Variants in ARHGAP32 observed in about 807,000 individuals in gnomAD.
ARHGAP32 encodes Rho GTPase activating protein 32.
Under a neutral mutation model 186.5 loss-of-function variants are expected in ARHGAP32, and 51 were observed. The ratio of observed to expected loss-of-function variants is 0.27; its 90% CI spans 0.22 to 0.35. The LOEUF is 0.35. Ranked by LOEUF, ARHGAP32 falls within the 10% of genes least tolerant of loss-of-function variation. The probability of loss-of-function intolerance (pLI) is 1.00; values close to 1 mark genes in which losing one functional copy is unlikely to be tolerated. For synonymous variants in ARHGAP32, 950 were observed against 964.3 expected (o/e 0.99, Z 0.27); for missense variants, 2,186 against 2,623.5 (o/e 0.83, Z 3.64).
intron 2 of ARHGAP32, among the ~76,000 whole-genome samples, chr11:129,158,396 C>CAAA (rs145817087): frequency 1.5e-5 from 1 of 66,208 alleles, no homozygotes; most frequent in Non-Finnish European, 3.2e-5. Context: ...AAATGGAAGG[C>CAAA]AAAAAAAAAA....
intron 2 of ARHGAP32, among the ~76,000 whole-genome samples, chr11:129,134,708 G>A (rs1437702454): frequency 1.3e-5 from 2 of 152,178 alleles, no homozygotes; most frequent in Non-Finnish European, 2.9e-5. Context: ...AACGCCCAAG[G>A]TGAGGGTAGT....
chr11:129,173,948 C>G (rs1025027506), intron 1 of ARHGAP32, among the ~76,000 whole-genome samples: 1 of 152,118 alleles, frequency 6.6e-6, no homozygotes, highest in Non-Finnish European at 1.5e-5. Flanking sequence ...CCAAGATGGC[C>G]AAATAGGAAC....
At chr11:129,194,088 C>A (rs1297664177), upstream of ARHGAP32, among the ~76,000 whole-genome samples, 1 of 151,858 alleles carries the variant, frequency 6.6e-6, no homozygotes, top group Non-Finnish European at 1.5e-5. Context: ...ATAGGCAAAG[C>A]TTTTAAAAGG....
At chr11:128,979,597 T>C (rs187498373) in intron 18 of ARHGAP32, among the ~76,000 whole-genome samples, 1 of 152,172 alleles carries the variant, frequency 6.6e-6, no homozygotes, top group Non-Finnish European at 1.5e-5. Flanking sequence ...AACTAGAATA[T>C]AAAATCAAGA....
intron 20 of ARHGAP32, among the ~76,000 whole-genome samples, chr11:128,976,161 C>T (rs1945536585): frequency 6.6e-6 from 1 of 151,738 alleles, no homozygotes; most frequent in Admixed American, 6.6e-5. Context: ...CTGCTTAACA[C>T]TAGTATCCAC....
chr11:129,048,302 A>T (rs1939895474), intron 10 of ARHGAP32, among the ~76,000 whole-genome samples: 1 of 152,190 alleles, frequency 6.6e-6, no homozygotes, highest in Non-Finnish European at 1.5e-5. Flanking sequence ...AGTGAGTAAG[A>T]TAGCAAGGGA....
chr11:129,057,619 T>C (rs1391731054), intron 10 of ARHGAP32, among the ~76,000 whole-genome samples: 1 of 148,840 alleles, frequency 6.7e-6, no homozygotes, highest in Non-Finnish European at 1.5e-5. Context: ...CATACTCAAA[T>C]CCCACGTCAT....
intron 6 of ARHGAP32, among the ~76,000 whole-genome samples, chr11:129,075,068 C>T (rs1453317085): frequency 1.3e-5 from 2 of 151,780 alleles, no homozygotes; most frequent in Non-Finnish European, 2.9e-5. Context: ...AAAAAACACA[C>T]AAAAAGGAGA....
chr11:128,995,497 A>G (rs918904533), intron 12 of ARHGAP32, among the ~76,000 whole-genome samples: 1 of 152,240 alleles, frequency 6.6e-6, no homozygotes, highest in African/African-American at 2.4e-5. Flanking sequence ...AGCATAAGCC[A>G]TCTCACACAG....
At chr11:129,102,334 C>G (rs571380710) in intron 5 of ARHGAP32, among the ~76,000 whole-genome samples, 1 of 152,268 alleles carries the variant, frequency 6.6e-6, no homozygotes, top group East Asian at 1.9e-4. Context: ...ATGACAGGAT[C>G]AAATCCACAC....
chr11:128,983,506 A>C (rs1945772883), intron 15 of ARHGAP32, among the ~76,000 whole-genome samples: 2 of 151,406 alleles, frequency 1.3e-5, no homozygotes, highest in African/African-American at 2.4e-5. Context: ...GGGTGGGGGG[A>C]AGGGGGAGGG....
intron 2 of ARHGAP32, among the ~76,000 whole-genome samples, chr11:129,128,462 A>G (rs941785066): frequency 6.6e-6 from 1 of 152,250 alleles, no homozygotes; most frequent in Non-Finnish European, 1.5e-5. Context: ...AAAAGCACAT[A>G]AAGATTTTAT....
intron 2 of ARHGAP32, among the ~76,000 whole-genome samples, chr11:129,161,150 A>T (rs1252657237): frequency 6.6e-6 from 1 of 152,198 alleles, no homozygotes; most frequent in Non-Finnish European, 1.5e-5. Context: ...TACAAATATT[A>T]ACTCAAAATG....
At chr11:129,012,325 T>C (rs1938122424) in intron 11 of ARHGAP32, among the ~76,000 whole-genome samples, 1 of 152,208 alleles carries the variant, frequency 6.6e-6, no homozygotes, top group African/African-American at 2.4e-5. Flanking sequence ...AAGAAAAACC[T>C]GTAATGTCAA....
intron 15 of ARHGAP32, among the ~76,000 whole-genome samples, chr11:128,985,009 T>A (rs766823447): frequency 6.6e-6 from 1 of 152,136 alleles, no homozygotes; most frequent in Non-Finnish European, 1.5e-5. Context: ...TGATAAACAT[T>A]AAACAGAAAC....
intron 21 of ARHGAP32, chr11:128,973,904 G>A (rs953016900): frequency 5.2e-6 from 3 of 573,684 alleles, no homozygotes; most frequent in South Asian, 2.6e-5. Context: ...GAGATAAGGG[G>A]ACTTTTGTGA....
intron 1 of ARHGAP32, among the ~76,000 whole-genome samples, chr11:129,169,115 T>C (rs1339909159): frequency 6.6e-6 from 1 of 152,088 alleles, no homozygotes; most frequent in Admixed American, 6.5e-5. Context: ...AGAAAAAGAA[T>C]AGTAAATTAA....
intron 2 of ARHGAP32, among the ~76,000 whole-genome samples, chr11:129,136,320 A>ATT (rs1942935093): frequency 6.6e-6 from 1 of 152,212 alleles, no homozygotes; most frequent in Non-Finnish European, 1.5e-5. Context: ...TCATGTATAA[A>ATT]AACAACGATT....
intron 1 of ARHGAP32, among the ~76,000 whole-genome samples, chr11:129,240,538 T>C (rs1008675343): frequency 2.0e-5 from 3 of 152,198 alleles, no homozygotes; most frequent in Admixed American, 6.6e-5. Context: ...CACAGGATAT[T>C]TATATTGCCT....
Sources: allele counts gnomAD v4.1 joint callset (sites outside exome capture counted in the v4.1 genomes callset), GRCh38; gene constraint gnomAD v4.1.1; transcripts MANE v1.5; gene names NCBI Gene and HGNC (gene_info 2026-07-23, HGNC 2026-07-21).